PLEKHG1: variants seen among roughly 807,000 people sequenced by gnomAD.
PLEKHG1 encodes the protein pleckstrin homology domain-containing family G member 1.
In PLEKHG1, 44 loss-of-function variants were observed where a neutral mutation model predicts 100.8. The ratio of observed to expected loss-of-function variants is 0.44; its 90% confidence interval spans 0.34 to 0.56. The LOEUF is 0.56. Among genes scored for constraint, PLEKHG1 ranks in the 20% least tolerant of loss-of-function variants. The pLI, the probability that PLEKHG1 is intolerant of heterozygous loss-of-function variation, is 0.01. For synonymous variants in PLEKHG1, 640 were observed against 662.5 expected (o/e 0.97, Z 0.52); for missense variants, 1,545 against 1,720.9 (o/e 0.90, Z 1.81).
intron 3 of PLEKHG1, among the ~76,000 whole-genome samples, chr6:150,690,543 C>G (rs1466277979): frequency 6.6e-6 from 1 of 152,138 alleles, no homozygotes; most frequent in African/African-American, 2.4e-5. Context: ...TGCTTCTGTC[C>G]AAATAAAGTA....
chr6:150,832,679 T>C (rs1163674821), intron 15 of PLEKHG1, among the ~76,000 whole-genome samples: 1 of 90,976 alleles, frequency 1.1e-5, no homozygotes, highest in African/African-American at 4.1e-5. Context: ...TTTTTTTGCA[T>C]ACTTTTTTTT....
In PLEKHG1 at chr6:150,831,053, T is replaced by G; in HGVS notation, c.1942T>G (p.Ser648Ala). 1 of 1,613,926 alleles carries G rather than the reference T, an allele frequency of 6.2e-7. No homozygotes were observed. Among genetic ancestry groups the G allele is most frequent in the Non-Finnish European group, 8.5e-7 (1 of 1,179,962 alleles). The change falls in exon 15 of 16, where the codon TCA becomes GCA. Residue 648 changes from serine (S) to alanine (A), a missense_variant. Transcript: ENST00000358517. This position sits in a 1 kb window ranked among gnomAD's most constrained non-coding sequence, Gnocchi z 4.1. ...GCAGGAGGAGATGACTCCCTTTGGG[T>G]CATCCATAGAGTTGACTATTGATGA...
chr6:150,636,929 G>A (rs1778029581), intron 1 of PLEKHG1, among the ~76,000 whole-genome samples: 1 of 152,060 alleles, frequency 6.6e-6, no homozygotes, highest in African/African-American at 2.4e-5. Flanking sequence ...AATGACATTA[G>A]CATCCTTTAT....
chr6:150,618,923 A>AT (rs1247398287), intron 1 of PLEKHG1, among the ~76,000 whole-genome samples: 2 of 151,930 alleles, frequency 1.3e-5, no homozygotes, highest in East Asian at 1.9e-4. Flanking sequence ...TATAAAGAAA[A>AT]TTTTTTTTAA....
intron 5 of PLEKHG1, among the ~76,000 whole-genome samples, chr6:150,797,062 C>A (rs1000847552): frequency 6.6e-6 from 1 of 152,052 alleles, no homozygotes; most frequent in African/African-American, 2.4e-5. Flanking sequence ...GCGATCTCAG[C>A]TCACTGCAAC....
At chr6:150,779,504 C>T (rs1004665871) in intron 3 of PLEKHG1, among the ~76,000 whole-genome samples, 16 of 151,894 alleles carry the variant, frequency 1.1e-4, no homozygotes, top group African/African-American at 3.9e-4. Context: ...TGCCACCACA[C>T]TCAGCTAATT....
At position 150,840,379 on chromosome 6, in the gene PLEKHG1, C is replaced by G; in HGVS notation, c.3641C>G (p.Ser1214Ter). ...CAGCTGCTGTCTTTACACAGAAGTT[C>G]AAGGTGTGAGAGTCACCAGGACTTG... is the stretch of plus-strand genomic sequence containing the variant. Residue 1214 changes from serine to a stop codon, truncating the protein, a stop_gained, in exon 16 of 16, where the codon TCA becomes TGA. Transcript: ENST00000358517. LOFTEE classifies it low-confidence loss of function (END_TRUNC). 6.2e-7 allele frequency: 1 copy of G among 1,614,170 alleles called. No homozygotes were observed. Among genetic ancestry groups the G allele is most frequent in the Non-Finnish European group, 8.5e-7 (1 of 1,180,036 alleles).
At chr6:150,768,665 A>G in exon 3 of PLEKHG1, 1 of 1,612,726 alleles carries the variant, frequency 6.2e-7, no homozygotes, top group African/African-American at 1.3e-5. Context: ...CAGGGACCAA[A>G]CAAAACTTCC....
chr6:150,756,107 C>A (rs1562490628), intron 2 of PLEKHG1, among the ~76,000 whole-genome samples: 1 of 152,132 alleles, frequency 6.6e-6, no homozygotes, highest in Non-Finnish European at 1.5e-5. Flanking sequence ...CTTTTTCACC[C>A]TGTGGGGCAT....
At chr6:150,720,406 A>G (rs988970834), upstream of PLEKHG1, among the ~76,000 whole-genome samples, 1 of 152,220 alleles carries the variant, frequency 6.6e-6, no homozygotes, top group Non-Finnish European at 1.5e-5. Flanking sequence ...ATTTATGAAT[A>G]TATAATCACA....
intron 3 of PLEKHG1, among the ~76,000 whole-genome samples, chr6:150,769,682 T>G (rs942198092): frequency 6.6e-6 from 1 of 152,072 alleles, no homozygotes; most frequent in African/African-American, 2.4e-5. Context: ...ATACATGAGT[T>G]TGCATCCCAG....
chr6:150,695,729 CA>C (rs1780518523), intron 3 of PLEKHG1, among the ~76,000 whole-genome samples: 1 of 152,118 alleles, frequency 6.6e-6, no homozygotes, highest in African/African-American at 2.4e-5. Context: ...AAACAACAAA[CA>C]AAAAAGCCAT....
chr6:150,608,787 C>A (rs6933168), intron 1 of PLEKHG1, among the ~76,000 whole-genome samples: 2 of 151,964 alleles, frequency 1.3e-5, no homozygotes, highest in South Asian at 2.1e-4. Flanking sequence ...AGTTGAAATG[C>A]GGGAATAGTG....
chr6:150,604,670 G>T (rs779359449), intron 1 of PLEKHG1, among the ~76,000 whole-genome samples: 1 of 152,134 alleles, frequency 6.6e-6, no homozygotes, highest in Non-Finnish European at 1.5e-5. Flanking sequence ...TTCGTCACTC[G>T]GTTTCCTAGT....
chr6:150,687,106 T>C (rs1377300955), intron 3 of PLEKHG1: 1 of 152,652 alleles, frequency 6.6e-6, no homozygotes, highest in Admixed American at 6.5e-5. Flanking sequence ...CAGAATCTGT[T>C]TTTTTCCTCA....
chr6:150,614,429 T>A (rs1776976938), intron 1 of PLEKHG1, among the ~76,000 whole-genome samples: 1 of 152,212 alleles, frequency 6.6e-6, no homozygotes, highest in Admixed American at 6.5e-5. Flanking sequence ...CTGTACAGGA[T>A]CATGATGAAC....
At chr6:150,695,398 G>A (rs888359761) in intron 3 of PLEKHG1, among the ~76,000 whole-genome samples, 21 of 152,198 alleles carry the variant, frequency 1.4e-4, no homozygotes, top group African/African-American at 5.1e-4. Flanking sequence ...GAAAATATTA[G>A]GAATTCACTA....
At chr6:150,707,847 G>T (rs1315339353) in intron 3 of PLEKHG1, among the ~76,000 whole-genome samples, 3 of 152,060 alleles carry the variant, frequency 2.0e-5, no homozygotes, top group African/African-American at 7.2e-5. Flanking sequence ...ATCAGACTTG[G>T]CCAGCTCAGC....
intron 15 of PLEKHG1, among the ~76,000 whole-genome samples, chr6:150,839,318 G>T (rs144527794): frequency 0.033 from 5,016 of 152,248 alleles, 95 homozygotes; most frequent in South Asian, 0.055. Context: ...GTTTCACCAT[G>T]TTGGCCAGGC....
Sources: gnomAD v4.1 joint callset for allele counts (sites outside exome capture counted in the v4.1 genomes callset) on GRCh38, gnomAD v4.1.1 for gene constraint, Gnocchi (gnomAD v3.1) non-coding constraint, MANE v1.5 for transcripts, NCBI Gene and HGNC (gene_info 2026-07-23, HGNC 2026-07-21) for gene names.